Variants in CNTNAP2 observed in about 807,000 individuals in gnomAD.
CNTNAP2 encodes contactin associated protein 2.
Under a neutral mutation model 155.2 loss-of-function variants are expected in CNTNAP2, and 98 were observed. The ratio of observed to expected loss-of-function variants is 0.63; its 90% CI spans 0.54 to 0.75. The LOEUF (loss-of-function observed/expected upper bound fraction) is 0.75. Ranked by LOEUF, CNTNAP2 falls within the 30% of genes least tolerant of loss-of-function variation. CNTNAP2 has a pLI of 0.00. For missense variants in CNTNAP2, 1,727 were observed against 1,688.1 expected (o/e 1.02, Z -0.40); for synonymous variants, 651 against 631.2 (o/e 1.03, Z -0.47).
chr7:147,764,651 A>G (rs1797357980), intron 13 of CNTNAP2, among the ~76,000 whole-genome samples: 1 of 152,220 alleles, frequency 6.6e-6, no homozygotes, highest in Non-Finnish European at 1.5e-5. Flanking sequence ...TATCTCTGTA[A>G]TATACCATTA....
At chr7:146,705,799 A>G (rs1351612946) in intron 1 of CNTNAP2, among the ~76,000 whole-genome samples, 2 of 152,022 alleles carry the variant, frequency 1.3e-5, no homozygotes, top group African/African-American at 2.4e-5. Context: ...TAATGATTCA[A>G]TTATCTCCAC....
chr7:147,082,959 G>T (rs376042851), intron 4 of CNTNAP2: 1 of 152,100 alleles, frequency 6.6e-6, no homozygotes, highest in East Asian at 1.9e-4. Context: ...GAGGCAGGGT[G>T]AGGCCATCTG....
chr7:147,132,881 C>A (rs1018068098), intron 8 of CNTNAP2, among the ~76,000 whole-genome samples: 2 of 151,972 alleles, frequency 1.3e-5, no homozygotes, highest in African/African-American at 4.8e-5. Context: ...TATCAACATT[C>A]GTGTACCTTT....
intron 11 of CNTNAP2, among the ~76,000 whole-genome samples, chr7:147,536,555 C>T (rs1008892031): frequency 9.9e-5 from 15 of 152,136 alleles, no homozygotes; most frequent in African/African-American, 3.6e-4. Context: ...CTCCAAAATG[C>T]TGGTGCCACT....
intron 1 of CNTNAP2, among the ~76,000 whole-genome samples, chr7:146,739,272 A>G (rs773830071): frequency 6.6e-6 from 1 of 151,992 alleles, no homozygotes; most frequent in African/African-American, 2.4e-5. Flanking sequence ...ATTTATTGCT[A>G]TAAAACTTCT....
intron 3 of CNTNAP2, among the ~76,000 whole-genome samples, chr7:146,988,737 TA>T (rs1798159534): frequency 6.6e-6 from 1 of 152,176 alleles, no homozygotes; most frequent in African/African-American, 2.4e-5. Context: ...GAACATTGTT[TA>T]AAAGAAATCT....
Position 146,427,737 on chromosome 7 carries a change from A to ACTTTTTTT in CNTNAP2, c.97+310764_97+310765insCTTTTTTT, listed in dbSNP as rs1796113564. 2.0e-5 allele frequency among the ~76,000 whole-genome samples: 3 copies of ACTTTTTTT among 152,196 alleles called. No homozygotes were observed. In the South Asian group the frequency reaches 6.2e-4, roughly 32 times the overall value. ...TATCATCTAATGTATCTTTTTTAAA[A>ACTTTTTTT]AACTGTTTTCAACTTTTAAGTTCAG... On this transcript the variant is annotated intron_variant, in intron 1 of 23. Transcript: ENST00000361727.
intron 14 of CNTNAP2, among the ~76,000 whole-genome samples, chr7:147,919,320 C>T (rs1007651443): frequency 1.3e-5 from 2 of 151,768 alleles, no homozygotes; most frequent in African/African-American, 4.8e-5. Context: ...CTCACTGTGT[C>T]ACCCAAGCTA....
intron 1 of CNTNAP2, among the ~76,000 whole-genome samples, chr7:146,129,005 T>A (rs1797677080): frequency 6.6e-6 from 1 of 152,204 alleles, no homozygotes; most frequent in Non-Finnish European, 1.5e-5. Context: ...TAGTTTATAC[T>A]TATTTGCTCA....
At chr7:146,951,347 T>C (rs1026904585) in intron 3 of CNTNAP2, among the ~76,000 whole-genome samples, 2 of 152,198 alleles carry the variant, frequency 1.3e-5, no homozygotes, top group African/African-American at 4.8e-5. Context: ...GCTTTTGGTG[T>C]TTTACATATG....
At chr7:148,048,947 C>T (rs1030373440) in intron 15 of CNTNAP2, among the ~76,000 whole-genome samples, 1 of 149,248 alleles carries the variant, frequency 6.7e-6, no homozygotes, top group Non-Finnish European at 1.5e-5. Context: ...CGTGGTGGCT[C>T]GTGCCTGTAA....
intron 8 of CNTNAP2, among the ~76,000 whole-genome samples, chr7:147,133,477 A>G (rs1036668651): frequency 3.9e-5 from 6 of 152,088 alleles, no homozygotes; most frequent in South Asian, 4.1e-4. Context: ...ATGGCACCCT[A>G]TGCATATACC....
chr7:147,061,102 G>A lies in CNTNAP2; in HGVS notation c.550+17048G>A, dbSNP rs1296632404. Among the ~76,000 whole-genome samples, 7 of 137,542 alleles carry A rather than the reference G, an allele frequency of 5.1e-5. No homozygotes were observed. In the South Asian group the frequency reaches 8.9e-4, roughly 18 times the overall value. 90.2% of individuals were successfully genotyped at this position (137,542 alleles called of 152,430 possible). A position where few individuals can be genotyped will look rare whatever the true frequency, so the allele number is the denominator to read the frequency against. On this transcript the variant is annotated intron_variant, in intron 4 of 23. Transcript: ENST00000361727. ...CATTGATAGAATCAAAGAGTTGAGCGGTGGGTGCCAGGGGCCGGGGAGGAA... is the reference window on the plus strand; with the variant it reads ...CATTGATAGAATCAAAGAGTTGAGCAGTGGGTGCCAGGGGCCGGGGAGGAA...
chr7:146,674,521 A>G (rs567103286), intron 1 of CNTNAP2, among the ~76,000 whole-genome samples: 1 of 152,284 alleles, frequency 6.6e-6, no homozygotes, highest in East Asian at 1.9e-4. Flanking sequence ...TTAAAAAAAA[A>G]AGCATTTTTC....
chr7:147,570,047 T>C (rs1001178849), intron 12 of CNTNAP2, among the ~76,000 whole-genome samples: 1 of 152,238 alleles, frequency 6.6e-6, no homozygotes, highest in Admixed American at 6.5e-5. Flanking sequence ...GCTCTGCCTG[T>C]CCAGGAGGAG....
chr7:147,089,390 C>T (rs1800350322), intron 4 of CNTNAP2, among the ~76,000 whole-genome samples: 1 of 152,172 alleles, frequency 6.6e-6, no homozygotes, highest in African/African-American at 2.4e-5. Context: ...TAAATAGCAT[C>T]CACTGCGACT....
intron 8 of CNTNAP2, among the ~76,000 whole-genome samples, chr7:147,214,484 A>G (rs891290945): frequency 6.6e-6 from 1 of 152,142 alleles, no homozygotes; most frequent in Non-Finnish European, 1.5e-5. Context: ...ATGTATGTTA[A>G]TAAGTATATT....
chr7:146,684,639 CAA>C (rs3080477), intron 1 of CNTNAP2, among the ~76,000 whole-genome samples: 58 of 63,514 alleles, frequency 9.1e-4, no homozygotes, highest in Non-Finnish European at 1.2e-3. Flanking sequence ...AGATCCAGCG[CAA>C]AAAAAAAAAA....
At chr7:146,386,629 ACCCAC>A (rs1000143634) in intron 1 of CNTNAP2, among the ~76,000 whole-genome samples, 5 of 151,932 alleles carry the variant, frequency 3.3e-5, no homozygotes, top group Admixed American at 3.3e-4. Flanking sequence ...CACGTTATCC[ACCCAC>A]CTTGGCCTCC....
Sources: gnomAD v4.1 joint callset for allele counts (sites outside exome capture counted in the v4.1 genomes callset) on GRCh38, gnomAD v4.1.1 for gene constraint, MANE v1.5 for transcripts, NCBI Gene and HGNC (gene_info 2026-07-23, HGNC 2026-07-21) for gene names.